The following CECR2 variants were observed in gnomAD, a reference collection of about 807,000 sequenced individuals.
CECR2 encodes chromatin remodeling regulator CECR2.
A neutral mutation model predicts 154.5 loss-of-function variants in CECR2; 30 were observed. That is an observed-to-expected ratio of 0.19 (90% confidence interval 0.15 to 0.26). The LOEUF (loss-of-function observed/expected upper bound fraction) is 0.26, where lower values mean the gene tolerates loss of function less well. CECR2 is among the 10% of genes least tolerant of loss of function. CECR2 has a pLI of 1.00. For synonymous variants in CECR2, 725 were observed against 683.7 expected (o/e 1.06, Z -0.94); for missense variants, 1,743 against 1,829.3 (o/e 0.95, Z 0.86).
chr22:17,549,749 C>T (rs1020553420), intron 17 of CECR2, among the ~76,000 whole-genome samples, 185 bp downstream of exon 17: 1 of 148,690 alleles, frequency 6.7e-6, no homozygotes, highest in Non-Finnish European at 1.5e-5. Context: ...GTAACTGGGA[C>T]TACACACATG....
intron 1 of CECR2, among the ~76,000 whole-genome samples, chr22:17,407,637 C>T (rs766592824): frequency 6.6e-6 from 1 of 151,450 alleles, no homozygotes; most frequent in African/African-American, 2.4e-5. Flanking sequence ...ATTTTAGCCT[C>T]AGGTTTTAGG....
At chr22:17,364,497 G>C (rs2062991779), upstream of CECR2, among the ~76,000 whole-genome samples, 1 of 152,126 alleles carries the variant, frequency 6.6e-6, no homozygotes, top group Admixed American at 6.5e-5. Context: ...GGCAAACAAA[G>C]GTAGAGAAAG....
chr22:17,365,376 A>T (rs1272519729), upstream of CECR2, among the ~76,000 whole-genome samples: 2 of 152,192 alleles, frequency 1.3e-5, no homozygotes, highest in African/African-American at 2.4e-5. Flanking sequence ...ATAACAGTGT[A>T]TTTCCCAAAG....
chr22:17,360,509 C>T (rs1458065225), intron 1 of CECR2, among the ~76,000 whole-genome samples: 3 of 152,098 alleles, frequency 2.0e-5, no homozygotes, highest in African/African-American at 7.2e-5. Flanking sequence ...TGGTGAAACC[C>T]CGTATCTACT....
At chr22:17,390,116 A>G (rs2063310795) in intron 1 of CECR2, among the ~76,000 whole-genome samples, 1 of 152,216 alleles carries the variant, frequency 6.6e-6, no homozygotes, top group Non-Finnish European at 1.5e-5. Context: ...TTTTCAGTCT[A>G]GGATCAGGCA....
rs570641867 is a variant in CECR2 at position 17,549,289 on chromosome 22, T to C, written c.4002T>C (p.Ser1334=). The C allele has an allele frequency of 6.2e-7, 1 of 1,614,040 alleles. No individual in the cohort carries two copies. The highest frequency in any genetic ancestry group is 1.1e-5 in the South Asian group (1 of 91,084). Residue 1334 remains serine (S), a synonymous_variant, in exon 17 of 19, where the codon TCT becomes TCC. Coordinates refer to ENST00000262608, the MANE Select transcript of CECR2 (RefSeq NM_001290047.2). ...PLSSGMGFGS[S]AFPPHSVMLQ... The stretch of plus-strand genomic sequence containing the variant: ...GTTCAGGAATGGGATTTGGTTCATC[T>C]GCATTTCCACCCCACAGTGTGATGC...
intron 1 of CECR2, among the ~76,000 whole-genome samples, chr22:17,392,411 C>G (rs972662512): frequency 2.0e-5 from 3 of 152,126 alleles, no homozygotes; most frequent in African/African-American, 7.2e-5. Context: ...TCGCTTGAAC[C>G]TGGGAGGCGG....
chr22:17,389,870 C>T (rs5992042), intron 1 of CECR2, among the ~76,000 whole-genome samples: 2,605 of 152,160 alleles, frequency 0.017, 67 homozygotes, highest in African/African-American at 0.058. Context: ...TCAGATGATC[C>T]GCCCACCTCG....
At chr22:17,449,461 C>T (rs2054731104) in intron 1 of CECR2, among the ~76,000 whole-genome samples, 1 of 148,632 alleles carries the variant, frequency 6.7e-6, no homozygotes, top group Non-Finnish European at 1.5e-5. Flanking sequence ...TTCAGCTCCG[C>T]ACATCTAATT....
At chr22:17,481,324 C>G (rs1431953634) in intron 2 of CECR2, among the ~76,000 whole-genome samples, 1 of 112,900 alleles carries the variant, frequency 8.9e-6, no homozygotes, top group Non-Finnish European at 1.7e-5. Context: ...GCCTGGGTGA[C>G]AGAGCGAGAC....
At chr22:17,404,361 G>GTTTT (rs2053945581) in intron 1 of CECR2, among the ~76,000 whole-genome samples, 2 of 74,806 alleles carry the variant, frequency 2.7e-5, no homozygotes, top group South Asian at 7.9e-4. Flanking sequence ...TCTGGACCCT[G>GTTTT]TTCTTTCTTT....
intron 7 of CECR2, among the ~76,000 whole-genome samples, chr22:17,510,876 A>C (rs920671435): frequency 1.8e-4 from 28 of 152,282 alleles, no homozygotes; most frequent in Admixed American, 4.6e-4. Flanking sequence ...AAGTGCTGGG[A>C]TTACAGGCGT....
Position 17,416,627 on chromosome 22 carries a change from T to C in CECR2, c.126+46718T>C, listed in dbSNP as rs901584034. 3.9e-5 allele frequency among the ~76,000 whole-genome samples: 6 copies of C among 152,116 alleles called. 1 individual carries two copies. Among genetic ancestry groups the C allele is most frequent in the Non-Finnish European group, 8.8e-5 (6 of 68,012 alleles). On this transcript the variant is annotated intron_variant, in intron 1 of 18. Transcript: ENST00000262608. ...AGCAATTCCCATGCCTCAGCCTCCCTAGTAGCCGGGATTACAGGCACGTGC... is the reference window on the plus strand; with the variant it reads ...AGCAATTCCCATGCCTCAGCCTCCCCAGTAGCCGGGATTACAGGCACGTGC...
chr22:17,407,370 T>A (rs1354738072), intron 1 of CECR2, among the ~76,000 whole-genome samples: 1 of 151,982 alleles, frequency 6.6e-6, no homozygotes, highest in African/African-American at 2.4e-5. Flanking sequence ...CCAAGGCGGG[T>A]GGATCACCTG....
Position 17,537,247 on chromosome 22 carries a change from A to T in CECR2, c.1238+15A>T. On this transcript the variant is annotated intron_variant, in intron 10 of 18. Coordinates refer to ENST00000262608, the MANE Select transcript of CECR2 (RefSeq NM_001290047.2). Reference sequence around the variant, plus strand: ...ACTAAAGACCTGTGAGTATTTAGTAACAACAACAACAGCAGTAGCAACTGG... The same window carrying T: ...ACTAAAGACCTGTGAGTATTTAGTATCAACAACAACAGCAGTAGCAACTGG... 6.2e-7 allele frequency: 1 copy of T among 1,612,148 alleles called. No homozygotes were observed. Among genetic ancestry groups the T allele is most frequent in the East Asian group, 2.2e-5 (1 of 44,826 alleles).
At position 17,457,229 on chromosome 22, in the gene CECR2, G is replaced by A. The variant is rs544567093; in HGVS notation, c.127-20359G>A. 8.5e-5 allele frequency among the ~76,000 whole-genome samples: 13 copies of A among 152,284 alleles called. No homozygotes were observed. In the South Asian group the frequency reaches 1.5e-3, roughly 17 times the overall value. On this transcript the variant is annotated intron_variant, in intron 1 of 18. Transcript: ENST00000262608. ...TTTACTAGAGACGGGGTTTCTCCACGTTGGTCAGGCTGGTCTGGAACTGCT... is the reference window on the plus strand; with the variant it reads ...TTTACTAGAGACGGGGTTTCTCCACATTGGTCAGGCTGGTCTGGAACTGCT...
chr22:17,552,229 G>T, intron 18 of CECR2, 87 bp downstream of exon 18: 1 of 1,239,192 alleles, frequency 8.1e-7, no homozygotes, highest in African/African-American at 1.5e-5. Flanking sequence ...CTGAAAAAAT[G>T]TTTTAAGGTA....
chr22:17,446,416 T>C (rs2054663708), intron 1 of CECR2, among the ~76,000 whole-genome samples: 1 of 152,104 alleles, frequency 6.6e-6, no homozygotes. Context: ...GTGTTACAGC[T>C]CTTAAAGGTG....
chr22:17,386,880 A>G (rs1357790023), intron 1 of CECR2, among the ~76,000 whole-genome samples: 1 of 152,090 alleles, frequency 6.6e-6, no homozygotes, highest in Non-Finnish European at 1.5e-5. Context: ...CGAACTCCTG[A>G]ACTCAGGTGA....
Sources: gnomAD v4.1 joint callset for allele counts (sites outside exome capture counted in the v4.1 genomes callset) on GRCh38, gnomAD v4.1.1 for gene constraint, MANE v1.5 for transcripts, NCBI Gene and HGNC (gene_info 2026-07-23, HGNC 2026-07-21) for gene names.